Variants in ATP7B observed in about 807,000 individuals in gnomAD.
ATP7B encodes the protein copper-transporting ATPase 2.
A neutral mutation model predicts 118.9 loss-of-function variants in ATP7B; 113 were observed. The ratio of observed to expected loss-of-function variants is 0.95; its 90% CI spans 0.82 to 1.11. The LOEUF (loss-of-function observed/expected upper bound fraction) is 1.11. ATP7B is among the 50% of genes most tolerant of loss of function. The pLI is 0.00. For missense variants in ATP7B, 1,867 were observed against 1,871.4 expected, an observed-to-expected ratio of 1.00 and a Z score of 0.04; for synonymous variants, 777 against 727.4, an observed-to-expected ratio of 1.07 and a Z score of -1.10.
At chr13:51,987,856 A>T (rs1167324610) in intron 1 of ATP7B, among the ~76,000 whole-genome samples, 3 of 152,218 alleles carry the variant, frequency 2.0e-5, no homozygotes, top group Non-Finnish European at 4.4e-5. Context: ...GGCTAGCCAT[A>T]TGCAGAAAAC....
rs572210428 is a variant in ATP7B at position 51,968,253 on chromosome 13, C to T, written c.1707+191G>A. ...TGGGATCCTCCCCATGACTGTTTAA[C>T]GTAACTGACCTTTCTTAAAATGAAC... On this transcript the variant is annotated intron_variant, in intron 4 of 20. Coordinates refer to ENST00000242839, the MANE Select transcript of ATP7B (RefSeq NM_000053.4). Among the ~76,000 whole-genome samples the T allele has an allele frequency of 9.2e-5, 14 of 152,298 alleles. No homozygotes were observed. In the South Asian group the frequency reaches 2.3e-3, roughly 25 times the overall value.
upstream of ATP7B, among the ~76,000 whole-genome samples, chr13:52,011,749 C>A (rs1041288679): frequency 2.0e-5 from 3 of 152,372 alleles, no homozygotes; most frequent in Non-Finnish European, 4.4e-5. Flanking sequence ...GGGCGGAGGC[C>A]TGTCCTCCTC....
intron 1 of ATP7B, among the ~76,000 whole-genome samples, chr13:52,010,432 T>C (rs1953966077): frequency 6.6e-6 from 1 of 152,194 alleles, no homozygotes; most frequent in South Asian, 2.1e-4. Context: ...AGATGTTCAC[T>C]TGCAAGAGAG....
intron 15 of ATP7B, 44 bp downstream of exon 15, chr13:51,942,342 C>T (rs1188043991): frequency 6.2e-7 from 1 of 1,611,528 alleles, no homozygotes; most frequent in Non-Finnish European, 8.5e-7. Context: ...TGGTTTGACC[C>T]ACCTCTACTT....
Position 51,980,437 on chromosome 13 carries a change from C to T in ATP7B, c.52-5269G>A, listed in dbSNP as rs146343991. Among the ~76,000 whole-genome samples the T allele has an allele frequency of 2.6e-5, 4 of 152,218 alleles. No homozygotes were observed. In the East Asian group the frequency reaches 7.7e-4, roughly 29 times the overall value. ...CAATTCTCTGCTACCTCTCTAGGTA[C>T]CCAAGTCACACGAAATTTGCTGAGA... is the stretch of plus-strand genomic sequence containing the variant. On this transcript the variant is annotated intron_variant, in intron 1 of 20. Transcript: ENST00000242839.
intron 1 of ATP7B, 63 bp from the exon 2 acceptor site, chr13:51,975,231 C>A: frequency 6.3e-7 from 1 of 1,582,298 alleles, no homozygotes; most frequent in Non-Finnish European, 8.7e-7. Flanking sequence ...AACATCCCAG[C>A]TTCTCTGGCA....
chr13:51,958,185 G>A, intron 8 of ATP7B, 126 bp downstream of exon 8: 3 of 1,132,056 alleles, frequency 2.7e-6, no homozygotes, highest in Non-Finnish European at 3.9e-6. Flanking sequence ...TTATATGGAG[G>A]TTTCCTATTT....
intron 1 of ATP7B, among the ~76,000 whole-genome samples, chr13:51,996,238 C>T (rs1252391173): frequency 1.3e-5 from 2 of 152,188 alleles, no homozygotes; most frequent in Non-Finnish European, 2.9e-5. Context: ...TAACAAGGCT[C>T]ATCTGTTTAA....
rs368655352 is a variant in ATP7B at position 51,971,948 on chromosome 13, G to A, written c.1286-1199C>T. 1.1e-3 allele frequency among the ~76,000 whole-genome samples: 170 copies of A among 152,346 alleles called. 7 individuals carry two copies. In the South Asian group the frequency reaches 0.028, roughly 25 times the overall value. On this transcript the variant is annotated intron_variant, in intron 2 of 20. Coordinates refer to ENST00000242839, the MANE Select transcript of ATP7B (RefSeq NM_000053.4). ...AGCAGCTCTTCTTAGTGTTGGGCCC[G>A]CTGCTCCCTACAGTACCGAGCTCCA...
rs1956799977 is a variant in ATP7B at position 51,933,422 on chromosome 13, T to C, written c.*1334A>G. On this transcript the variant is annotated 3_prime_UTR_variant, in exon 21 of 21. Transcript: ENST00000242839. ...ACTGCCCCTGGCAAGTAATGGACAA[T>C]GAAAAAAATCACTAAAACTATTTTG... 6.6e-6 allele frequency: 1 copy of C among 152,170 alleles called. No individual in the cohort carries two copies. Among genetic ancestry groups the C allele is most frequent in the Non-Finnish European group, 1.5e-5 (1 of 68,016 alleles). The allele number at this position is 152,170 out of a possible 1,614,324, so 9.4% of individuals were successfully genotyped here.
chr13:51,951,059 T>C (rs1317531910), intron 9 of ATP7B, among the ~76,000 whole-genome samples: 1 of 151,980 alleles, frequency 6.6e-6, no homozygotes, highest in African/African-American at 2.4e-5. Flanking sequence ...CTGATTCACA[T>C]TTAAGTGATC....
In ATP7B at chr13:51,974,444, AGGGTGACCACAT is replaced by A. The variant is rs1417723997; in HGVS notation, c.764_775del (p.His255_Thr258del). On this transcript the variant is annotated inframe_deletion, in exon 2 of 21. Coordinates refer to ENST00000242839, the MANE Select transcript of ATP7B (RefSeq NM_000053.4). Reference sequence around the variant, plus strand: ...ATGCATTCCATCTATTCTCAGTTGGAGGGTGACCACATGGCTTCCTTGGTGCCCCAAGGTCTC... The same window carrying A: ...ATGCATTCCATCTATTCTCAGTTGGAGGCTTCCTTGGTGCCCCAAGGTCTC... The A allele has an allele frequency of 3.7e-6, 6 of 1,613,940 alleles. No individual in the cohort carries two copies. The highest frequency in any genetic ancestry group is 5.1e-6 in the Non-Finnish European group (6 of 1,180,034).
intron 4 of ATP7B, chr13:51,967,045 G>A: frequency 6.2e-7 from 1 of 1,609,454 alleles, no homozygotes; most frequent in South Asian, 1.1e-5. Context: ...GGAGTGGGAT[G>A]GGAAGGAAAG....
intron 1 of ATP7B, among the ~76,000 whole-genome samples, chr13:51,986,198 A>G (rs570091622): frequency 2.3e-3 from 355 of 152,292 alleles, no homozygotes; most frequent in Middle Eastern, 6.8e-3. Flanking sequence ...AGAGAGAGGA[A>G]TCAAATCGAT....
At chr13:51,992,158 T>C (rs1160667700) in intron 1 of ATP7B, among the ~76,000 whole-genome samples, 1 of 150,712 alleles carries the variant, frequency 6.6e-6, no homozygotes, top group Non-Finnish European at 1.5e-5. Context: ...AAATGTAAAA[T>C]ATAAGCAAAC....
At position 51,968,386 on chromosome 13, in the gene ATP7B, T is replaced by A. The variant is rs191236212; in HGVS notation, c.1707+58A>T. On this transcript the variant is annotated intron_variant, in intron 4 of 20. Coordinates refer to ENST00000242839, the MANE Select transcript of ATP7B (RefSeq NM_000053.4). ...AATTTACTAATCACAAAGATGGATGTGTCCAAAATGCAAACTGTCAGAAGC... is the reference window on the plus strand; with the variant it reads ...AATTTACTAATCACAAAGATGGATGAGTCCAAAATGCAAACTGTCAGAAGC... 6 of 1,611,444 alleles carry A rather than the reference T, an allele frequency of 3.7e-6. No individual in the cohort carries two copies. In the East Asian group the frequency reaches 1.3e-4, roughly 36 times the overall value.
Position 51,990,751 on chromosome 13 carries a change from A to G in ATP7B, c.52-15583T>C, listed in dbSNP as rs7991073. On this transcript the variant is annotated intron_variant, in intron 1 of 20. Transcript: ENST00000242839. Reference sequence around the variant, plus strand: ...GTTTTTCCTTTATTTTAGAAGGGATATATCTGTGCCAGCCAAGTCATCCTG... The same window carrying G: ...GTTTTTCCTTTATTTTAGAAGGGATGTATCTGTGCCAGCCAAGTCATCCTG... Among the ~76,000 whole-genome samples, 1,168 of 152,340 alleles carry G rather than the reference A, an allele frequency of 7.7e-3. 11 individuals are homozygous for G. The highest frequency in any genetic ancestry group is 0.027 in the African/African-American group (1,116 of 41,586).
In ATP7B at chr13:51,958,369, G is replaced by T; in HGVS notation, c.2297C>A (p.Thr766Lys). 6.2e-7 allele frequency: 1 copy of T among 1,614,188 alleles called. No individual in the cohort carries two copies. Among genetic ancestry groups the T allele is most frequent in the Non-Finnish European group, 8.5e-7 (1 of 1,180,026 alleles). The change falls in exon 8 of 21, where the codon ACG (threonine) becomes AAG (lysine). Residue 766 changes from threonine to lysine, a missense_variant. Physicochemically the swap from Thr to Lys is moderately conservative, Grantham distance 78. Coordinates refer to ENST00000242839, the MANE Select transcript of ATP7B (RefSeq NM_000053.4). ...AERSPVTFFDTPPMLFVFIAL... is the reference protein window; with the variant it reads ...AERSPVTFFDKPPMLFVFIAL... ...AATGAACACAAAGAGCATGGGGGGC[G>T]TGTCGAAGAATGTCACAGGGCTCCT... is the stretch of plus-strand genomic sequence containing the variant.
In ATP7B at chr13:51,934,232, G is replaced by C. The variant is rs1249795132; in HGVS notation, c.*524C>G. ...CTGACAAGCACACAGGAGAGAAAAG[G>C]AACAGACTATGTACGAAGAAAGGAA... On this transcript the variant is annotated 3_prime_UTR_variant, in exon 21 of 21. Coordinates refer to ENST00000242839, the MANE Select transcript of ATP7B (RefSeq NM_000053.4). The C allele has an allele frequency of 4.6e-6, 1 of 219,706 alleles. No homozygotes were observed. The highest frequency in any genetic ancestry group is 9.2e-6 in the Non-Finnish European group (1 of 108,298). The allele number at this position is 219,706 out of a possible 1,614,324, so 13.6% of individuals were successfully genotyped here.
Sources: gnomAD v4.1 joint callset for allele counts (sites outside exome capture counted in the v4.1 genomes callset) on GRCh38, gnomAD v4.1.1 for gene constraint, MANE v1.5 for transcripts, NCBI Gene and HGNC (gene_info 2026-07-23, HGNC 2026-07-21) for gene names.